SNRPA1: variants seen among roughly 807,000 people sequenced by gnomAD.
SNRPA1 encodes U2 small nuclear ribonucleoprotein A'.
In SNRPA1, 5 loss-of-function variants were observed where a neutral mutation model predicts 32.3. That is an observed-to-expected ratio of 0.15 (90% CI 0.08 to 0.33). The LOEUF (loss-of-function observed/expected upper bound fraction) is 0.33, where lower values mean the gene tolerates loss of function less well. SNRPA1 is among the 10% of genes least tolerant of loss of function. The pLI is 1.00. For synonymous variants in SNRPA1, 111 were observed against 120.1 expected (o/e 0.92, Z 0.50); for missense variants, 198 against 311.1 (o/e 0.64, Z 2.74).
At chr15:101,293,880 A>G (rs2039556123) in intron 1 of SNRPA1, among the ~76,000 whole-genome samples, 1 of 152,252 alleles carries the variant, frequency 6.6e-6, no homozygotes, top group Non-Finnish European at 1.5e-5. Context: ...GTACTGCATC[A>G]AAATACGTAT....
In SNRPA1 at chr15:101,281,650, C is replaced by A; in HGVS notation, c.*74G>T. On this transcript the variant is annotated 3_prime_UTR_variant, in exon 9 of 9. Transcript: ENST00000254193. ...ATAGATTCCACTTTGCTAACACAAA[C>A]AAGGCTATTATACCATGTTCGAAAA... is the stretch of plus-strand genomic sequence containing the variant. The A allele has an allele frequency of 1.9e-6, 2 of 1,070,296 alleles. No individual in the cohort carries two copies. The highest frequency in any genetic ancestry group is 2.9e-6 in the Non-Finnish European group (2 of 688,714). 66.3% of individuals were successfully genotyped at this position (1,070,296 alleles called of 1,614,324 possible).
intron 8 of SNRPA1, among the ~76,000 whole-genome samples, chr15:101,284,143 AAC>A: frequency 6.6e-6 from 1 of 152,236 alleles, no homozygotes; most frequent in East Asian, 1.9e-4. Flanking sequence ...CAGATGTCAG[AAC>A]AGTTACCACT....
intron 4 of SNRPA1, among the ~76,000 whole-genome samples, chr15:101,287,333 C>T (rs187631326): frequency 6.6e-6 from 1 of 152,094 alleles, no homozygotes; most frequent in African/African-American, 2.4e-5. Context: ...TTCCCTCCCC[C>T]CTTTCCCCAC....
At chr15:101,281,992 A>G (rs1489141409) in intron 8 of SNRPA1, among the ~76,000 whole-genome samples, 1 of 152,256 alleles carries the variant, frequency 6.6e-6, no homozygotes, top group Non-Finnish European at 1.5e-5. Flanking sequence ...ATTTCAAAGG[A>G]AAAGGGTCAC....
At chr15:101,291,815 G>C in intron 3 of SNRPA1, 147 bp downstream of exon 3, 1 of 556,008 alleles carries the variant, frequency 1.8e-6, no homozygotes, top group South Asian at 2.9e-5. Context: ...TACGGCTGCA[G>C]AACCCAAAAG....
chr15:101,284,048 A>G (rs2039427092), intron 8 of SNRPA1, among the ~76,000 whole-genome samples: 1 of 152,270 alleles, frequency 6.6e-6, no homozygotes, highest in Non-Finnish European at 1.5e-5. Flanking sequence ...AGTTACATTC[A>G]TATCAAAACT....
At chr15:101,284,676 A>AT (rs1329741707) in intron 8 of SNRPA1, 4 of 236,226 alleles carry the variant, frequency 1.7e-5, no homozygotes, top group East Asian at 9.3e-5. Context: ...CTAATTTTGT[A>AT]TTTTTAGTAG....
chr15:101,283,684 G>A (rs1411018071), intron 8 of SNRPA1, among the ~76,000 whole-genome samples: 3 of 152,194 alleles, frequency 2.0e-5, no homozygotes, highest in Non-Finnish European at 2.9e-5. Context: ...CGGGGCTCAC[G>A]CCTGTAATCC....
intron 3 of SNRPA1, among the ~76,000 whole-genome samples, chr15:101,290,574 A>ATT (rs58641401): frequency 0.1 from 14,289 of 142,428 alleles, 1,897 homozygotes; most frequent in African/African-American, 0.3. Context: ...AAGTTATACG[A>ATT]TTTTTTTTTT....
intron 8 of SNRPA1, 95 bp downstream of exon 8, chr15:101,284,872 A>G: frequency 1.1e-6 from 1 of 875,022 alleles, no homozygotes; most frequent in Non-Finnish European, 1.9e-6. Flanking sequence ...AGGAGGCACT[A>G]CTCTGGCATT....
At chr15:101,294,085 A>T (rs1013386521) in intron 1 of SNRPA1, among the ~76,000 whole-genome samples, 3 of 152,138 alleles carry the variant, frequency 2.0e-5, no homozygotes, top group African/African-American at 7.2e-5. Context: ...AATACAAAAA[A>T]TTAGCCGGGC....
At chr15:101,289,688 T>G (rs1000914421) in intron 3 of SNRPA1, 2 of 151,846 alleles carry the variant, frequency 1.3e-5, no homozygotes, top group Non-Finnish European at 2.9e-5. Context: ...TCCCAGCACT[T>G]TGGGAGGCCA....
chr15:101,286,665 A>T (rs1218301640), intron 5 of SNRPA1: 3 of 487,012 alleles, frequency 6.2e-6, no homozygotes, highest in Non-Finnish European at 1.1e-5. Flanking sequence ...AAGACTGCTC[A>T]CCGTGGCCTC....
intron 3 of SNRPA1, among the ~76,000 whole-genome samples, chr15:101,290,864 C>G (rs567708231): frequency 1.3e-5 from 2 of 151,646 alleles, no homozygotes; most frequent in Non-Finnish European, 2.9e-5. Flanking sequence ...GTCTCAGCCT[C>G]CCAAGAAGCT....
intron 8 of SNRPA1, among the ~76,000 whole-genome samples, chr15:101,283,393 T>TA (rs879422585): frequency 0.012 from 1,690 of 137,720 alleles, 26 homozygotes; most frequent in African/African-American, 0.039. Flanking sequence ...CTGTCTCTAC[T>TA]AAAAAAAAAA....
intron 8 of SNRPA1, among the ~76,000 whole-genome samples, chr15:101,282,795 T>C (rs769042272): frequency 6.6e-6 from 1 of 152,206 alleles, no homozygotes; most frequent in Non-Finnish European, 1.5e-5. Context: ...CTTAAAGTAC[T>C]GGGAAGCTGG....
At chr15:101,285,090 G>A (rs371733870) in intron 7 of SNRPA1, 30 bp from the exon 8 acceptor site, 12 of 1,512,798 alleles carry the variant, frequency 7.9e-6, no homozygotes, top group African/African-American at 6.9e-5. Context: ...GGAGATGGAT[G>A]ATTAACTTCA....
At position 101,281,626 on chromosome 15, in the gene SNRPA1, T is replaced by C. The variant is rs1219885659; in HGVS notation, c.*98A>G. The C allele has an allele frequency of 4.8e-6, 4 of 840,722 alleles. No individual in the cohort carries two copies. Among genetic ancestry groups the C allele is most frequent in the Non-Finnish European group, 8.2e-6 (4 of 488,512 alleles). The allele number at this position is 840,722 out of a possible 1,614,324, so 52.1% of individuals were successfully genotyped here. On this transcript the variant is annotated 3_prime_UTR_variant, in exon 9 of 9. Transcript: ENST00000254193. ...GTCTTAAGCATTTCAACAATGCTGA[T>C]AGATTCCACTTTGCTAACACAAACA...
At position 101,287,739 on chromosome 15, in the gene SNRPA1, C is replaced by T. The variant is rs559301588; in HGVS notation, c.310-37G>A. On this transcript the variant is annotated intron_variant, in intron 3 of 8. Coordinates refer to ENST00000254193, the MANE Select transcript of SNRPA1 (RefSeq NM_003090.4). Reference sequence around the variant, plus strand: ...TAGCCACAGGTAAGAACGCGAATACCACACGCTATTTTGAGATTCTGAAAT... The same window carrying T: ...TAGCCACAGGTAAGAACGCGAATACTACACGCTATTTTGAGATTCTGAAAT... The T allele has an allele frequency of 5.0e-6, 8 of 1,589,982 alleles. 1 individual carries two copies. The South Asian group carries it at 8.9e-5, about 18-fold the overall frequency.
Sources: gnomAD v4.1 joint callset for allele counts (sites outside exome capture counted in the v4.1 genomes callset) on GRCh38, gnomAD v4.1.1 for gene constraint, MANE v1.5 for transcripts, NCBI Gene and HGNC (gene_info 2026-07-23, HGNC 2026-07-21) for gene names.